The following NRXN1 variants were observed in gnomAD, a reference collection of about 807,000 sequenced individuals.
The protein encoded by NRXN1 is neurexin 1.
A neutral mutation model predicts 150.9 loss-of-function variants in NRXN1; 39 were observed. That is an observed-to-expected ratio of 0.26 (90% confidence interval 0.20 to 0.34). The LOEUF is 0.34. Ranked by LOEUF, NRXN1 falls within the 10% of genes least tolerant of loss-of-function variation. The probability of loss-of-function intolerance (pLI) is 1.00; values close to 1 mark genes in which losing one functional copy is unlikely to be tolerated. For missense variants in NRXN1, 1,815 were observed against 1,949.9 expected (o/e 0.93, Z 1.30); for synonymous variants, 924 against 757.0 (o/e 1.22, Z -3.62).
intron 8 of NRXN1, among the ~76,000 whole-genome samples, chr2:50,599,762 G>A (rs1675932455): frequency 6.6e-6 from 1 of 152,162 alleles, no homozygotes; most frequent in Non-Finnish European, 1.5e-5. Flanking sequence ...CATCAGAAAC[G>A]CCTGGATGTT....
chr2:51,012,612 C>A (rs915317900), intron 2 of NRXN1, among the ~76,000 whole-genome samples: 3 of 152,082 alleles, frequency 2.0e-5, no homozygotes, highest in East Asian at 2.0e-4. Context: ...TGCTGTCAAA[C>A]GTTTAGTCCT....
intron 17 of NRXN1, among the ~76,000 whole-genome samples, chr2:50,377,868 T>A (rs1025969941): frequency 1.3e-5 from 2 of 151,992 alleles, no homozygotes; most frequent in African/African-American, 4.8e-5. Context: ...ACAAAGGCAA[T>A]GGAAAGTGGG....
In NRXN1 at chr2:50,347,416, G is replaced by C. The variant is rs141821680; in HGVS notation, c.3365-110446C>G. ...GGTAAATCCATTTAGCTTTGTGTGC[G>C]GGGACTAGGGAGGCCACTTCGCCGG... On this transcript the variant is annotated intron_variant, in intron 17 of 22. Coordinates refer to ENST00000401669, the MANE Select transcript of NRXN1 (RefSeq NM_001330078.2). The surrounding 1 kb of genome is among the most constrained non-coding windows in gnomAD (Gnocchi z 4.9). The C allele has an allele frequency of 1.7e-6, 2 of 1,156,956 alleles. No individual in the cohort carries two copies. Among genetic ancestry groups the C allele is most frequent in the Non-Finnish European group, 2.2e-6 (2 of 925,140 alleles). 71.7% of individuals were successfully genotyped at this position (1,156,956 alleles called of 1,614,324 possible). A position where few individuals can be genotyped will look rare whatever the true frequency, so the allele number is the denominator to read the frequency against.
intron 5 of NRXN1, among the ~76,000 whole-genome samples, chr2:50,903,043 A>C (rs2103976746): frequency 6.6e-6 from 1 of 152,298 alleles, no homozygotes; most frequent in South Asian, 2.1e-4. Flanking sequence ...GAAAATTACA[A>C]TAATATCACT....
At chr2:50,110,177 C>G (rs1394457502) in intron 18 of NRXN1, among the ~76,000 whole-genome samples, 1 of 152,046 alleles carries the variant, frequency 6.6e-6, no homozygotes, top group Non-Finnish European at 1.5e-5. Context: ...CATCAGCTAT[C>G]CCTCCCTCCT....
intron 8 of NRXN1, among the ~76,000 whole-genome samples, chr2:50,583,039 C>T (rs1299814451): frequency 2.0e-5 from 3 of 151,784 alleles, no homozygotes; most frequent in Admixed American, 2.0e-4. Context: ...AATACTTTCA[C>T]CTCCCACCTA....
At chr2:50,494,230 CT>C (rs377230146) in intron 15 of NRXN1, among the ~76,000 whole-genome samples, 4 of 151,334 alleles carry the variant, frequency 2.6e-5, no homozygotes, top group Non-Finnish European at 4.4e-5. Context: ...TTATAAACTG[CT>C]TTTTTTTTAG....
intron 5 of NRXN1, among the ~76,000 whole-genome samples, chr2:50,758,737 G>C (rs1447367163): frequency 6.6e-6 from 1 of 151,884 alleles, no homozygotes; most frequent in African/African-American, 2.4e-5. Flanking sequence ...CACAGATCCT[G>C]TGGATCAACT....
intron 2 of NRXN1, among the ~76,000 whole-genome samples, chr2:51,003,989 C>T (rs1363270173): frequency 6.6e-6 from 1 of 151,736 alleles, no homozygotes; most frequent in Non-Finnish European, 1.5e-5. Context: ...TCCCAGAATG[C>T]CTTCGCTCTT....
chr2:50,210,244 T>A (rs2152843031), intron 18 of NRXN1, among the ~76,000 whole-genome samples: 1 of 152,048 alleles, frequency 6.6e-6, no homozygotes, highest in East Asian at 1.9e-4. Context: ...TAAGAATTCA[T>A]TATAAAAATA....
At chr2:50,937,057 T>G (rs2104447796) in intron 2 of NRXN1, among the ~76,000 whole-genome samples, 1 of 152,292 alleles carries the variant, frequency 6.6e-6, no homozygotes, top group South Asian at 2.1e-4. Flanking sequence ...AAGATAAATC[T>G]AATATACTTT....
At chr2:49,957,594 G>A (rs1208729552) in intron 21 of NRXN1, among the ~76,000 whole-genome samples, 1 of 152,094 alleles carries the variant, frequency 6.6e-6, no homozygotes, top group Non-Finnish European at 1.5e-5. Context: ...GCTTGTAAAA[G>A]CACCTCAAAA....
At chr2:50,776,977 A>G (rs1025913846) in intron 5 of NRXN1, among the ~76,000 whole-genome samples, 1 of 152,106 alleles carries the variant, frequency 6.6e-6, no homozygotes, top group South Asian at 2.1e-4. Flanking sequence ...GATTTAAGTG[A>G]CCATTTATTT....
chr2:50,521,402 T>A (rs1349767811), intron 12 of NRXN1, among the ~76,000 whole-genome samples: 3 of 152,194 alleles, frequency 2.0e-5, no homozygotes, highest in African/African-American at 7.2e-5. Context: ...AAAGAACAAG[T>A]AATAATAAAC....
At chr2:50,948,672 G>A (rs1383999181) in intron 2 of NRXN1, among the ~76,000 whole-genome samples, 1 of 151,984 alleles carries the variant, frequency 6.6e-6, no homozygotes, top group Non-Finnish European at 1.5e-5. Flanking sequence ...ATAATAGTAA[G>A]AATTAACCAC....
intron 18 of NRXN1, among the ~76,000 whole-genome samples, chr2:50,198,838 T>C (rs2061948004): frequency 6.6e-6 from 1 of 152,094 alleles, no homozygotes; most frequent in African/African-American, 2.4e-5. Context: ...CCCCCTTGGG[T>C]GAGTGACTGT....
At chr2:50,078,553 C>T (rs370999258) in intron 19 of NRXN1, among the ~76,000 whole-genome samples, 3,491 of 152,106 alleles carry the variant, frequency 0.023, 135 homozygotes, top group African/African-American at 0.079. Flanking sequence ...TGTCCTTTTT[C>T]TATTGCAGGA....
intron 21 of NRXN1, chr2:49,970,726 A>C (rs747816160): frequency 6.6e-6 from 1 of 152,152 alleles, no homozygotes; most frequent in Non-Finnish European, 1.5e-5. Context: ...GAATGTATAA[A>C]TCTAAACTTA....
chr2:50,448,501 G>T (rs181567383), intron 17 of NRXN1, among the ~76,000 whole-genome samples: 4 of 152,118 alleles, frequency 2.6e-5, no homozygotes, highest in Non-Finnish European at 5.9e-5. Context: ...AAGCATTAGT[G>T]GTGGTCACTA....
Sources: gnomAD v4.1 joint callset for allele counts (sites outside exome capture counted in the v4.1 genomes callset) on GRCh38, gnomAD v4.1.1 for gene constraint, Gnocchi (gnomAD v3.1) non-coding constraint, MANE v1.5 for transcripts, NCBI Gene and HGNC (gene_info 2026-07-23, HGNC 2026-07-21) for gene names.